The following ENOX1 variants were observed in gnomAD, a reference collection of about 807,000 sequenced individuals.
The protein encoded by ENOX1 is ecto-NOX disulfide-thiol exchanger 1, also known as candidate growth-related and time keeping constitutive hydroquinone (NADH) oxidase.
Under a neutral mutation model 82.5 loss-of-function variants are expected in ENOX1, and 42 were observed. The observed-to-expected ratio is 0.51, with a 90% CI of 0.40 to 0.66. ENOX1 has a LOEUF of 0.66. Ranked by LOEUF, ENOX1 falls within the 30% of genes least tolerant of loss-of-function variation. The pLI is 0.00. For missense variants in ENOX1, 608 were observed against 811.6 expected, an observed-to-expected ratio of 0.75 and a Z score of 3.05; for synonymous variants, 271 against 282.2, an observed-to-expected ratio of 0.96 and a Z score of 0.40.
At chr13:43,284,999 A>G (rs891517384) in intron 12 of ENOX1, among the ~76,000 whole-genome samples, 22 of 152,346 alleles carry the variant, frequency 1.4e-4, no homozygotes, top group African/African-American at 5.3e-4. Flanking sequence ...TAATTACCAG[A>G]TGGAAGAAGC....
chr13:43,630,421 C>G (rs763664090), intron 2 of ENOX1, among the ~76,000 whole-genome samples: 4 of 152,110 alleles, frequency 2.6e-5, no homozygotes, highest in Admixed American at 6.6e-5. Flanking sequence ...ACAGCAGTAA[C>G]TAGGAATCCC....
chr13:43,613,931 CA>C (rs913733481), intron 2 of ENOX1, among the ~76,000 whole-genome samples: 13 of 150,698 alleles, frequency 8.6e-5, no homozygotes, highest in Non-Finnish European at 1.5e-4. Context: ...AAGACTCTCT[CA>C]AAAAAAAAAT....
intron 14 of ENOX1, among the ~76,000 whole-genome samples, chr13:43,255,132 A>G (rs1300985702): frequency 6.6e-6 from 1 of 152,224 alleles, no homozygotes; most frequent in African/African-American, 2.4e-5. Context: ...AGATTCAAGG[A>G]TGGTTTAACA....
chr13:43,442,181 GTC>G lies in ENOX1; in HGVS notation c.-74-29195_-74-29194del, dbSNP rs1487512919. ...ATTAGCTGGGTATTAGTGCAGGCTG[GTC>G]TCAGCTGCCCATGAAAATGAGAACA... On this transcript the variant is annotated intron_variant, in intron 3 of 16. Transcript: ENST00000690772. Among the ~76,000 whole-genome samples the G allele has an allele frequency of 3.9e-5, 6 of 152,238 alleles. No homozygotes were observed. In the East Asian group the frequency reaches 1.2e-3, roughly 29 times the overall value.
rs573610402 is a variant in ENOX1, at chr13:43,675,190, T to C, written c.-284-7646A>G. On this transcript the variant is annotated intron_variant, in intron 1 of 16. Coordinates refer to ENST00000690772, the MANE Select transcript of ENOX1 (RefSeq NM_001347969.2). Reference sequence around the variant, plus strand: ...GGCAATCAACAGAGGCTGATGATGGTGGTCTAGTCTACAGTAGTAGCAACA... The same window carrying C: ...GGCAATCAACAGAGGCTGATGATGGCGGTCTAGTCTACAGTAGTAGCAACA... Among the ~76,000 whole-genome samples, 23 of 152,264 alleles carry C rather than the reference T, an allele frequency of 1.5e-4. No homozygotes were observed. In the East Asian group the frequency reaches 3.9e-3, roughly 26 times the overall value.
chr13:43,328,156 CA>C (rs2048221367), intron 9 of ENOX1, among the ~76,000 whole-genome samples: 1 of 152,186 alleles, frequency 6.6e-6, no homozygotes, highest in African/African-American at 2.4e-5. Flanking sequence ...AAGTGCTGGC[CA>C]TCAGCTGACC....
At chr13:43,691,732 T>C (rs560620117) in intron 1 of ENOX1, among the ~76,000 whole-genome samples, 8 of 150,704 alleles carry the variant, frequency 5.3e-5, no homozygotes, top group Admixed American at 1.3e-4. Flanking sequence ...ACAGAGTCTC[T>C]TTCTGTCACC....
intron 2 of ENOX1, among the ~76,000 whole-genome samples, chr13:43,493,417 C>A (rs1013286293): frequency 6.6e-6 from 1 of 152,094 alleles, no homozygotes; most frequent in Non-Finnish European, 1.5e-5. Context: ...GCCCAAAGGC[C>A]CAGGAGCCTA....
At position 43,484,156 on chromosome 13, in the gene ENOX1, G is replaced by C. The variant is rs1354751109; in HGVS notation, c.-218-4C>G. On this transcript the variant is annotated splice_polypyrimidine_tract_variant and splice_region_variant and intron_variant, in intron 2 of 16. Coordinates refer to ENST00000690772, the MANE Select transcript of ENOX1 (RefSeq NM_001347969.2). ...GGTTCTGACATATCAGAGGCTTCTG[G>C]AAGCAAAGAAAAGCACACCGTTAGG... 2.0e-6 allele frequency: 2 copies of C among 985,410 alleles called. No homozygotes were observed. The highest frequency in any genetic ancestry group is 2.2e-4 in the East Asian group (2 of 8,932). The allele number at this position is 985,410 out of a possible 1,614,324, so 61.0% of individuals were successfully genotyped here. A position where few individuals can be genotyped will look rare whatever the true frequency, so the allele number is the denominator to read the frequency against.
chr13:43,390,212 T>C (rs908685410), intron 5 of ENOX1, among the ~76,000 whole-genome samples: 12 of 152,174 alleles, frequency 7.9e-5, no homozygotes, highest in African/African-American at 2.9e-4. Context: ...AAAGTAAATA[T>C]TTAGAATGAG....
intron 5 of ENOX1, among the ~76,000 whole-genome samples, chr13:43,378,829 T>A (rs1166147598): frequency 6.6e-6 from 1 of 152,160 alleles, no homozygotes; most frequent in Non-Finnish European, 1.5e-5. Context: ...AACCTCTGAA[T>A]ATATTATTTT....
intron 14 of ENOX1, among the ~76,000 whole-genome samples, chr13:43,238,512 T>C (rs7328423): frequency 0.011 from 1,644 of 152,148 alleles, 31 homozygotes; most frequent in African/African-American, 0.038. Context: ...CTGAATTCTG[T>C]TAGTTGTATG....
intron 2 of ENOX1, among the ~76,000 whole-genome samples, chr13:43,558,642 A>G (rs2079541693): frequency 6.6e-6 from 1 of 152,154 alleles, no homozygotes; most frequent in Non-Finnish European, 1.5e-5. Context: ...CTACATTTCA[A>G]CATTAAACAG....
intron 11 of ENOX1, among the ~76,000 whole-genome samples, chr13:43,304,253 CCAGGCA>C (rs1414565312): frequency 6.6e-6 from 1 of 152,326 alleles, no homozygotes; most frequent in African/African-American, 2.4e-5. Flanking sequence ...TTTTTATGTG[CCAGGCA>C]CTGAGGTAAG....
chr13:43,624,446 C>CTTTGT, intron 2 of ENOX1, among the ~76,000 whole-genome samples: 1 of 152,048 alleles, frequency 6.6e-6, no homozygotes, highest in Non-Finnish European at 1.5e-5. Context: ...TTTTTCCTTG[C>CTTTGT]TTTGATATGA....
chr13:43,434,936 G>GTTTTTT (rs1259674451), intron 3 of ENOX1, among the ~76,000 whole-genome samples: 1 of 67,844 alleles, frequency 1.5e-5, no homozygotes, highest in Non-Finnish European at 3.1e-5. Context: ...GTGTGTGTGT[G>GTTTTTT]GTTTTTTTTT....
chr13:43,260,790 A>C (rs951663791), intron 14 of ENOX1, among the ~76,000 whole-genome samples: 1 of 152,224 alleles, frequency 6.6e-6, no homozygotes, highest in Non-Finnish European at 1.5e-5. Context: ...AGATGAAAAG[A>C]AAATTTATAG....
chr13:43,467,155 ACT>A (rs2057763199), intron 3 of ENOX1, among the ~76,000 whole-genome samples: 1 of 151,864 alleles, frequency 6.6e-6, no homozygotes, highest in Non-Finnish European at 1.5e-5. Context: ...GAGCGAGATA[ACT>A]CTATGATTAA....
rs927511416 is a variant in ENOX1, at chr13:43,213,447, A to G, written c.*543T>C. 1 of 152,102 alleles carries G rather than the reference A, an allele frequency of 6.6e-6. No homozygotes were observed. Among genetic ancestry groups the G allele is most frequent in the Non-Finnish European group, 1.5e-5 (1 of 67,996 alleles). 9.4% of individuals were successfully genotyped at this position (152,102 alleles called of 1,614,324 possible). A position where few individuals can be genotyped will look rare whatever the true frequency, so the allele number is the denominator to read the frequency against. ...AACAGCATATAACTTAATTTACAAA[A>G]TACAATAACTGTTTAGACACATATT... On this transcript the variant is annotated 3_prime_UTR_variant, in exon 17 of 17. Transcript: ENST00000690772.
Sources: allele counts gnomAD v4.1 joint callset (sites outside exome capture counted in the v4.1 genomes callset), GRCh38; gene constraint gnomAD v4.1.1; transcripts MANE v1.5; gene names NCBI Gene and HGNC (gene_info 2026-07-23, HGNC 2026-07-21).